The following ARHGAP44 variants were observed in gnomAD, a reference collection of about 807,000 sequenced individuals.
ARHGAP44 encodes rho GTPase-activating protein 44.
Under a neutral mutation model 106.8 loss-of-function variants are expected in ARHGAP44, and 43 were observed. The ratio of observed to expected loss-of-function variants is 0.40; its 90% confidence interval spans 0.32 to 0.52. The LOEUF (loss-of-function observed/expected upper bound fraction) is 0.52. Among genes scored for constraint, ARHGAP44 ranks in the 20% least tolerant of loss-of-function variants. The probability of loss-of-function intolerance (pLI) is 0.48; values close to 1 mark genes in which losing one functional copy is unlikely to be tolerated. For missense variants in ARHGAP44, 866 were observed against 1,050.5 expected (o/e 0.82, Z 2.43); for synonymous variants, 439 against 410.3 (o/e 1.07, Z -0.85).
intron 1 of ARHGAP44, among the ~76,000 whole-genome samples, chr17:12,824,552 G>GACCCT (rs1555544171): frequency 6.6e-6 from 1 of 151,932 alleles, no homozygotes; most frequent in Non-Finnish European, 1.5e-5. Context: ...TGGAAACCTC[G>GACCCT]ACCCTACTTT....
At chr17:12,806,628 G>T (rs2034281661) in intron 1 of ARHGAP44, among the ~76,000 whole-genome samples, 1 of 152,148 alleles carries the variant, frequency 6.6e-6, no homozygotes, top group Non-Finnish European at 1.5e-5. Flanking sequence ...TTGGTTATGA[G>T]CATGGATTCT....
At chr17:12,942,812 C>G (rs2038744539) in intron 8 of ARHGAP44, among the ~76,000 whole-genome samples, 2 of 152,122 alleles carry the variant, frequency 1.3e-5, no homozygotes, top group South Asian at 4.1e-4. Flanking sequence ...TTCATCTGCT[C>G]TTATCAACAT....
intron 1 of ARHGAP44, among the ~76,000 whole-genome samples, chr17:12,890,620 G>A (rs984606424): frequency 6.6e-6 from 1 of 152,120 alleles, no homozygotes; most frequent in African/African-American, 2.4e-5. Flanking sequence ...AAATATCTTG[G>A]AGGTAATTCT....
At position 12,789,506 on chromosome 17, in the gene ARHGAP44, T is replaced by A. The variant is rs1426849575; in HGVS notation, c.-333T>A. 1.1e-5 allele frequency: 2 copies of A among 177,676 alleles called. No individual in the cohort carries two copies. The highest frequency in any genetic ancestry group is 2.4e-5 in the Non-Finnish European group (2 of 84,888). The allele number at this position is 177,676 out of a possible 1,614,324, so 11.0% of individuals were successfully genotyped here. A position where few individuals can be genotyped will look rare whatever the true frequency, so the allele number is the denominator to read the frequency against. Reference sequence around the variant, plus strand: ...CGCCGGGCCAGCCGGCCAGCCAGCCTGCGGAGACTCCCGGGTCCCCGCGCC... The same window carrying A: ...CGCCGGGCCAGCCGGCCAGCCAGCCAGCGGAGACTCCCGGGTCCCCGCGCC... On this transcript the variant is annotated 5_prime_UTR_variant, in exon 1 of 21. Transcript: ENST00000379672.
At chr17:12,890,729 G>A (rs1016298625) in intron 1 of ARHGAP44, among the ~76,000 whole-genome samples, 5 of 152,168 alleles carry the variant, frequency 3.3e-5, no homozygotes, top group African/African-American at 1.2e-4. Flanking sequence ...ACGTGGCCAG[G>A]CTGTGAATTT....
At chr17:12,858,046 TA>T (rs1366617966) in intron 1 of ARHGAP44, among the ~76,000 whole-genome samples, 1 of 152,142 alleles carries the variant, frequency 6.6e-6, no homozygotes, top group African/African-American at 2.4e-5. Flanking sequence ...TGTATATGTA[TA>T]TTTTGAGATA....
At chr17:12,811,140 A>G (rs866560039) in intron 1 of ARHGAP44, among the ~76,000 whole-genome samples, 2 of 151,910 alleles carry the variant, frequency 1.3e-5, no homozygotes, top group Non-Finnish European at 1.5e-5. Context: ...GTGAAACCCC[A>G]TCTCTACTAA....
rs570230564 is a variant in ARHGAP44, at chr17:12,946,960, G to T, written c.862-2180G>T. Among the ~76,000 whole-genome samples the T allele has an allele frequency of 6.6e-5, 10 of 152,148 alleles. No individual in the cohort carries two copies. In the East Asian group the frequency reaches 1.7e-3, roughly 26 times the overall value. Reference sequence around the variant, plus strand: ...GCTACTCCATTCCTCAACAGACCTCGCTCTGTCACTTGCATTTTTTCCCTG... The same window carrying T: ...GCTACTCCATTCCTCAACAGACCTCTCTCTGTCACTTGCATTTTTTCCCTG... On this transcript the variant is annotated intron_variant, in intron 10 of 20. Coordinates refer to ENST00000379672, the MANE Select transcript of ARHGAP44 (RefSeq NM_014859.6).
intron 6 of ARHGAP44, among the ~76,000 whole-genome samples, chr17:12,926,185 C>T (rs182081952): frequency 4.5e-4 from 68 of 151,576 alleles, no homozygotes; most frequent in African/African-American, 1.6e-3. Flanking sequence ...ACCAACATGG[C>T]GAAACCCCGT....
At chr17:12,877,251 C>T (rs924920586) in intron 1 of ARHGAP44, among the ~76,000 whole-genome samples, 5 of 152,114 alleles carry the variant, frequency 3.3e-5, no homozygotes, top group Non-Finnish European at 5.9e-5. Context: ...GTTTTGAAAA[C>T]GAACACCATC....
At chr17:12,914,927 G>A (rs2037860554) in intron 4 of ARHGAP44, among the ~76,000 whole-genome samples, 1 of 152,174 alleles carries the variant, frequency 6.6e-6, no homozygotes, top group African/African-American at 2.4e-5. Context: ...ATTGTATGGG[G>A]ACACATACAT....
At chr17:12,976,895 C>G (rs532945475) in intron 18 of ARHGAP44, among the ~76,000 whole-genome samples, 1 of 152,112 alleles carries the variant, frequency 6.6e-6, no homozygotes, top group East Asian at 1.9e-4. Context: ...GACCCACAGG[C>G]GGGAGATGGG....
chr17:12,921,790 T>C, intron 6 of ARHGAP44, among the ~76,000 whole-genome samples: 1 of 152,188 alleles, frequency 6.6e-6, no homozygotes, highest in African/African-American at 2.4e-5. Flanking sequence ...GTAACATTCG[T>C]GGGTGGCTGT....
At chr17:12,938,193 C>T (rs1482008700) in intron 7 of ARHGAP44, among the ~76,000 whole-genome samples, 2 of 151,960 alleles carry the variant, frequency 1.3e-5, no homozygotes, top group African/African-American at 2.4e-5. Context: ...AATATAATGA[C>T]AAGAAGACAT....
chr17:12,924,630 A>T (rs2038181253), intron 6 of ARHGAP44, among the ~76,000 whole-genome samples: 1 of 152,158 alleles, frequency 6.6e-6, no homozygotes, highest in Non-Finnish European at 1.5e-5. Context: ...ATCTGGAGAT[A>T]GGTTCTTTAG....
At chr17:12,875,959 A>G (rs2036543820) in intron 1 of ARHGAP44, among the ~76,000 whole-genome samples, 1 of 151,930 alleles carries the variant, frequency 6.6e-6, no homozygotes, top group African/African-American at 2.4e-5. Context: ...AAAAAAATGT[A>G]TTGATGATAT....
At chr17:12,970,548 G>A (rs1260352958) in intron 16 of ARHGAP44, among the ~76,000 whole-genome samples, 3 of 152,092 alleles carry the variant, frequency 2.0e-5, no homozygotes, top group African/African-American at 7.2e-5. Flanking sequence ...CTTTCACCTT[G>A]ATTCAACTAT....
chr17:12,931,521 G>T (rs899892974), intron 7 of ARHGAP44, among the ~76,000 whole-genome samples: 5 of 151,590 alleles, frequency 3.3e-5, no homozygotes, highest in African/African-American at 1.2e-4. Context: ...TTTTGAGACG[G>T]AGTCTTGCTC....
chr17:12,886,960 A>G (rs35790262), intron 1 of ARHGAP44, among the ~76,000 whole-genome samples: 27,488 of 144,220 alleles, frequency 0.19, 3,436 homozygotes, highest in East Asian at 0.44. Context: ...CTAGTTTTCT[A>G]AGAGTTTTTT....
Sources: gnomAD v4.1 joint callset for allele counts (sites outside exome capture counted in the v4.1 genomes callset) on GRCh38, gnomAD v4.1.1 for gene constraint, MANE v1.5 for transcripts, NCBI Gene and HGNC (gene_info 2026-07-23, HGNC 2026-07-21) for gene names.